The following WDFY2 variants were observed in gnomAD, a reference collection of about 807,000 sequenced individuals.
The protein encoded by WDFY2 is WD repeat and FYVE domain-containing protein 2.
A neutral mutation model predicts 56.4 loss-of-function variants in WDFY2; 36 were observed. The observed-to-expected ratio is 0.64, with a 90% CI of 0.49 to 0.84. The LOEUF (loss-of-function observed/expected upper bound fraction) is 0.84. Ranked by LOEUF, WDFY2 falls within the 40% of genes least tolerant of loss-of-function variation. WDFY2 has a pLI of 0.00. For missense variants in WDFY2, 444 were observed against 512.2 expected (o/e 0.87, Z 1.29); for synonymous variants, 176 against 183.7 (o/e 0.96, Z 0.34).
intron 1 of WDFY2, among the ~76,000 whole-genome samples, chr13:51,633,043 G>A (rs1337953985): frequency 6.6e-6 from 1 of 152,230 alleles, no homozygotes; most frequent in Non-Finnish European, 1.5e-5. Flanking sequence ...GCTGTAGGCA[G>A]TGGGAGACAA....
chr13:51,698,685 A>G (rs1951924421), intron 3 of WDFY2, among the ~76,000 whole-genome samples: 2 of 152,250 alleles, frequency 1.3e-5, no homozygotes, highest in African/African-American at 4.8e-5. Flanking sequence ...ATGCCATTTA[A>G]ACTATTAAGG....
At chr13:51,595,531 GGGCTAAGGTC>G (rs1386769816) in intron 1 of WDFY2, among the ~76,000 whole-genome samples, 5 of 152,146 alleles carry the variant, frequency 3.3e-5, no homozygotes, top group African/African-American at 1.2e-4. Flanking sequence ...CTGCCTGTTG[GGGCTAAGGTC>G]CTCTGAGCTG....
At chr13:51,631,391 T>A (rs1182965071) in intron 1 of WDFY2, among the ~76,000 whole-genome samples, 9 of 123,108 alleles carry the variant, frequency 7.3e-5, no homozygotes, top group Admixed American at 4.9e-4. Flanking sequence ...ATCCTGTCTC[T>A]AAAAAAAAAA....
At chr13:51,612,125 C>T (rs1020159495) in intron 1 of WDFY2, among the ~76,000 whole-genome samples, 3 of 152,092 alleles carry the variant, frequency 2.0e-5, no homozygotes, top group East Asian at 3.8e-4. Context: ...GGCAAGGAAA[C>T]TGAGAATTAC....
At chr13:51,733,708 A>AT (rs1952774202) in intron 6 of WDFY2, among the ~76,000 whole-genome samples, 1 of 152,024 alleles carries the variant, frequency 6.6e-6, no homozygotes, top group Admixed American at 6.6e-5. Flanking sequence ...AGTGGAGGAG[A>AT]TTTAAGATCT....
rs1328567964 is a variant in WDFY2 at position 51,761,301 on chromosome 13, T to G, written c.*1532T>G. ...CTTGAGAAAATGAAATATTCTTGTG[T>G]GTAGTGATTCAGCTCAGGATATTGA... On this transcript the variant is annotated 3_prime_UTR_variant, in exon 12 of 12. Transcript: ENST00000298125. 1 of 152,210 alleles carries G rather than the reference T, an allele frequency of 6.6e-6. No homozygotes were observed. The highest frequency in any genetic ancestry group is 1.5e-5 in the Non-Finnish European group (1 of 68,022). 9.4% of individuals were successfully genotyped at this position (152,210 alleles called of 1,614,324 possible).
At chr13:51,665,097 C>T (rs960741005) in intron 2 of WDFY2, among the ~76,000 whole-genome samples, 5 of 152,104 alleles carry the variant, frequency 3.3e-5, no homozygotes, top group African/African-American at 9.7e-5. Context: ...GGGACATGGT[C>T]ACAAAGTCTG....
chr13:51,613,457 G>A (rs1006669215), intron 1 of WDFY2, among the ~76,000 whole-genome samples: 3 of 152,196 alleles, frequency 2.0e-5, no homozygotes, highest in African/African-American at 7.2e-5. Context: ...CAGTAGTAGA[G>A]TGGTTAAATA....
At chr13:51,628,731 G>A (rs1467492080) in intron 1 of WDFY2, among the ~76,000 whole-genome samples, 2 of 152,222 alleles carry the variant, frequency 1.3e-5, no homozygotes, top group East Asian at 1.9e-4. Flanking sequence ...ATGCCAGTTA[G>A]TTGCTTTACT....
rs1000872858 is a variant in WDFY2, at chr13:51,739,303, C to T, written c.725+128C>T. On this transcript the variant is annotated intron_variant, in intron 7 of 11. Coordinates refer to ENST00000298125, the MANE Select transcript of WDFY2 (RefSeq NM_052950.4). ...AAGGAACATGGCGGGAACACAAATA[C>T]TGGCCACTTTGATTTATAACTGTGT... The T allele has an allele frequency of 6.4e-6, 7 of 1,101,440 alleles. No homozygotes were observed. The East Asian group carries it at 2.0e-4, about 32-fold the overall frequency. The allele number at this position is 1,101,440 out of a possible 1,614,324, so 68.2% of individuals were successfully genotyped here.
chr13:51,684,742 T>C (rs751337518), intron 3 of WDFY2, among the ~76,000 whole-genome samples: 3 of 152,190 alleles, frequency 2.0e-5, no homozygotes, highest in Non-Finnish European at 4.4e-5. Flanking sequence ...CATGGCCTGC[T>C]GACTTAGCTC....
intron 1 of WDFY2, among the ~76,000 whole-genome samples, chr13:51,623,732 G>A (rs1391916614): frequency 1.3e-5 from 2 of 152,010 alleles, no homozygotes; most frequent in South Asian, 2.1e-4. Flanking sequence ...AAGCTACCTC[G>A]TTTCCAACTT....
chr13:51,600,518 C>T (rs1954253452), intron 1 of WDFY2, among the ~76,000 whole-genome samples: 1 of 152,178 alleles, frequency 6.6e-6, no homozygotes, highest in African/African-American at 2.4e-5. Flanking sequence ...CTGCCGGCTG[C>T]TCCTGAATTT....
At position 51,693,835 on chromosome 13, in the gene WDFY2, A is replaced by T. The variant is rs541718842; in HGVS notation, c.280-9761A>T. On this transcript the variant is annotated intron_variant, in intron 3 of 11. Coordinates refer to ENST00000298125, the MANE Select transcript of WDFY2 (RefSeq NM_052950.4). Reference sequence around the variant, plus strand: ...GGGAGTCTAAGTCTCTTTATAGGTCACTCAGGACTTGCTTTATGAATCTGG... The same window carrying T: ...GGGAGTCTAAGTCTCTTTATAGGTCTCTCAGGACTTGCTTTATGAATCTGG... 4.6e-3 allele frequency among the ~76,000 whole-genome samples: 701 copies of T among 151,774 alleles called. 4 individuals are homozygous for T. Among genetic ancestry groups the T allele is most frequent in the African/African-American group, 0.016 (650 of 41,228 alleles).
chr13:51,751,467 C>T, intron 8 of WDFY2, 52 bp downstream of exon 8: 4 of 1,471,414 alleles, frequency 2.7e-6, no homozygotes, highest in Middle Eastern at 1.7e-4. Flanking sequence ...CCCTGCCTCC[C>T]TTCCTGCTTA....
intron 3 of WDFY2, among the ~76,000 whole-genome samples, chr13:51,679,357 G>T (rs1431459249): frequency 6.6e-6 from 1 of 152,034 alleles, no homozygotes; most frequent in African/African-American, 2.4e-5. Context: ...AACTTACAGG[G>T]AGCCACAGTT....
intron 1 of WDFY2, among the ~76,000 whole-genome samples, chr13:51,592,783 A>G (rs979067057): frequency 2.0e-5 from 3 of 152,212 alleles, no homozygotes; most frequent in Non-Finnish European, 2.9e-5. Flanking sequence ...TAAATTTTAA[A>G]TAATCATCAT....
chr13:51,727,261 A>G (rs1460827135), intron 5 of WDFY2, among the ~76,000 whole-genome samples: 2 of 152,196 alleles, frequency 1.3e-5, no homozygotes, highest in Non-Finnish European at 1.5e-5. Context: ...ATGCACCAAT[A>G]CTACACTTTT....
At chr13:51,712,771 T>A (rs1952251719) in intron 4 of WDFY2, among the ~76,000 whole-genome samples, 1 of 151,854 alleles carries the variant, frequency 6.6e-6, no homozygotes, top group Non-Finnish European at 1.5e-5. Context: ...ATGCAAATTA[T>A]CAATATCAGG....
Sources: allele counts gnomAD v4.1 joint callset (sites outside exome capture counted in the v4.1 genomes callset), GRCh38; gene constraint gnomAD v4.1.1; transcripts MANE v1.5; gene names NCBI Gene and HGNC (gene_info 2026-07-23, HGNC 2026-07-21).